Variants in MCF2 observed in about 807,000 individuals in gnomAD.
MCF2 encodes the protein proto-oncogene DBL.
Under a neutral mutation model 82.5 loss-of-function variants are expected in MCF2, and 44 were observed. That is an observed-to-expected ratio of 0.53 (90% CI 0.42 to 0.69). MCF2 has a LOEUF of 0.69. Among genes scored for constraint, MCF2 ranks in the 30% least tolerant of loss-of-function variants. The pLI, the probability that MCF2 is intolerant of heterozygous loss-of-function variation, is 0.00. For missense variants in MCF2, 623 were observed against 663.1 expected (o/e 0.94, Z 0.66); for synonymous variants, 217 against 224.9 (o/e 0.96, Z 0.32).
At chrX:139,695,909 G>A (rs1311560424) in intron 1 of MCF2, among the ~76,000 whole-genome samples, 2 of 111,856 alleles carry the variant, frequency 1.8e-5, no homozygotes, top group Non-Finnish European at 3.8e-5. Flanking sequence ...GTGAACATCA[G>A]TCTTAATTTT....
At chrX:139,604,798 T>C in intron 14 of MCF2, 48 bp from the exon 19 acceptor site, 5 of 1,091,742 alleles carry the variant, frequency 4.6e-6, no homozygotes, top group Non-Finnish European at 6.3e-6. Context: ...ATGTGAAATA[T>C]AATAAACTGG....
At chrX:139,698,697 CA>C (rs1306043611) in intron 1 of MCF2, among the ~76,000 whole-genome samples, 1 of 111,422 alleles carries the variant, frequency 9.0e-6, no homozygotes, top group African/African-American at 3.3e-5. Context: ...GGTTATTTCT[CA>C]AAAATATATA....
rs200623120 is a variant in MCF2, at chrX:139,637,062, TG to T, written c.52-4609del. Among the ~76,000 whole-genome samples the T allele has an allele frequency of 1.0e-2, 1,117 of 112,075 alleles. 10 individuals are homozygous for T. Among genetic ancestry groups the T allele is most frequent in the African/African-American group, 0.033 (1,024 of 30,892 alleles). The stretch of plus-strand genomic sequence containing the variant: ...TTAAAGAAAATGCACCATCAAAGGA[TG>T]AAAACTTCATTTATTGACTACATAA... On this transcript the variant is annotated intron_variant, in intron 1 of 24. Transcript: ENST00000370576.
At chrX:139,689,079 TCA>T (rs781636350) in intron 1 of MCF2, among the ~76,000 whole-genome samples, 7 of 111,544 alleles carry the variant, frequency 6.3e-5, no homozygotes, top group Admixed American at 9.5e-5. Flanking sequence ...CCACGACTAG[TCA>T]CCAAGTCAAA....
Position 139,594,814 on chromosome X carries a change from C to T in MCF2, c.2277+1735G>A, listed in dbSNP as rs1453476958. 1.3e-4 allele frequency among the ~76,000 whole-genome samples: 14 copies of T among 110,628 alleles called. No individual in the cohort carries two copies. In the East Asian group the frequency reaches 2.3e-3, roughly 18 times the overall value. ...AACCTACAGAATGGGAGAAAATTTTCGCAACCTACTCACCTGACAAAGGGC... is the reference window on the plus strand; with the variant it reads ...AACCTACAGAATGGGAGAAAATTTTTGCAACCTACTCACCTGACAAAGGGC... On this transcript the variant is annotated intron_variant, in intron 19 of 24. Coordinates refer to ENST00000370576, the Ensembl canonical transcript of MCF2.
rs1247252998 is a variant in MCF2, at chrX:139,585,179, C to T, written c.2633-1G>A. 3 of 1,144,229 alleles carry T rather than the reference C, an allele frequency of 2.6e-6. No individual in the cohort carries two copies. The highest frequency in any genetic ancestry group is 3.6e-6 in the Non-Finnish European group (3 of 842,684). 94.3% of individuals were successfully genotyped at this position (1,144,229 alleles called of 1,213,427 possible). On this transcript the variant is annotated splice_acceptor_variant, in intron 23 of 24. Coordinates refer to ENST00000370576, the Ensembl canonical transcript of MCF2. LOFTEE classifies it high-confidence loss of function. ...GCAGATTGTGATGCCTCAGTCCAAA[C>T]TATAAGAAAAGTGTGGAATGTGGCA...
At chrX:139,707,402 A>T (rs760568089) in intron 1 of MCF2, among the ~76,000 whole-genome samples, 14 of 110,729 alleles carry the variant, frequency 1.3e-4, no homozygotes, top group Non-Finnish European at 2.6e-4. Flanking sequence ...AATGTGAGAA[A>T]CATCACCATA....
intron 6 of MCF2, 123 bp from the exon 10 acceptor site, chrX:139,619,829 G>T: frequency 2.0e-6 from 1 of 489,533 alleles, no homozygotes; most frequent in Non-Finnish European, 3.2e-6. Flanking sequence ...AAAAAATTTG[G>T]TTATTTTATT....
chrX:139,620,340 C>T (rs1356163139), intron 6 of MCF2, among the ~76,000 whole-genome samples: 1 of 110,804 alleles, frequency 9.0e-6, no homozygotes, highest in Non-Finnish European at 1.9e-5. Flanking sequence ...AAGGACACAG[C>T]AGCAGTTTGA....
chrX:139,592,260 G>A (rs1313628741), intron 19 of MCF2, among the ~76,000 whole-genome samples: 1 of 111,364 alleles, frequency 9.0e-6, no homozygotes, highest in African/African-American at 3.3e-5. Context: ...TTTGTAGCTA[G>A]TAAGTCATCA....
At chrX:139,616,296 A>T in exon 9 of MCF2, 2 of 1,109,951 alleles carry the variant, frequency 1.8e-6, no homozygotes, top group Non-Finnish European at 2.4e-6. Context: ...AGCTCAGGAG[A>T]TAATATTACA....
In MCF2 at chrX:139,700,352, G is replaced by A. The variant is rs956399631; in HGVS notation, c.-45+7754C>T. ...CAGAATCTTCATTCTCAATCATCCT[G>A]TCTGGAGGCACTCAACCCAGAAGGA... On this transcript the variant is annotated intron_variant, in intron 1 of 27. Coordinates refer to the MCF2 transcript ENST00000414978. Among the ~76,000 whole-genome samples the A allele has an allele frequency of 5.4e-5, 6 of 111,789 alleles. No homozygotes were observed. The East Asian group carries it at 1.7e-3, about 31-fold the overall frequency.
rs1008901815 is a variant in MCF2, at chrX:139,693,066, C to T, written c.-45+15040G>A. Among the ~76,000 whole-genome samples the T allele has an allele frequency of 7.8e-4, 87 of 111,526 alleles. 1 individual carries two copies. Among genetic ancestry groups the T allele is most frequent in the Non-Finnish European group, 1.1e-4 (6 of 53,043 alleles). ...TGGAAAATGAAAGGAGCTAGAGCTC[C>T]TTCCTTGCCCTGAACCCAAAGCACT... On this transcript the variant is annotated intron_variant, in intron 1 of 27. Coordinates refer to the MCF2 transcript ENST00000414978.
chrX:139,685,518 A>G (rs1254964863), intron 1 of MCF2, among the ~76,000 whole-genome samples: 3 of 111,150 alleles, frequency 2.7e-5, no homozygotes, highest in Non-Finnish European at 5.7e-5. Context: ...CTGCTTGCTC[A>G]ATCGATCACG....
intron 1 of MCF2, among the ~76,000 whole-genome samples, chrX:139,636,037 A>T (rs1296122674): frequency 8.9e-6 from 1 of 112,087 alleles, no homozygotes; most frequent in African/African-American, 3.2e-5. Context: ...GGCCAAGGAC[A>T]TGAAAAGGCA....
intron 1 of MCF2, among the ~76,000 whole-genome samples, chrX:139,655,467 C>A (rs760108726): frequency 4.5e-5 from 5 of 111,526 alleles, no homozygotes; most frequent in African/African-American, 1.6e-4. Context: ...GACTTTTGTA[C>A]GTTGATTTCG....
intron 1 of MCF2, among the ~76,000 whole-genome samples, chrX:139,658,667 G>GTTTTTTTTTTTTTT (rs1182070757): frequency 3.5e-5 from 2 of 56,613 alleles, no homozygotes; most frequent in African/African-American, 1.6e-4. Context: ...AAAAAGATGT[G>GTTTTTTTTTTTTTT]TTTTTTTTTT....
intron 1 of MCF2, among the ~76,000 whole-genome samples, chrX:139,676,635 T>G (rs1176947139): frequency 8.9e-6 from 1 of 111,858 alleles, no homozygotes; most frequent in Non-Finnish European, 1.9e-5. Context: ...TTTCTTTTAT[T>G]GGTAAAGTGG....
At chrX:139,689,693 A>G (rs1447295534) in intron 1 of MCF2, among the ~76,000 whole-genome samples, 1 of 107,965 alleles carries the variant, frequency 9.3e-6, no homozygotes, top group Non-Finnish European at 1.9e-5. Context: ...ACCTATCCCT[A>G]CCACGTTCAA....
Sources: gnomAD v4.1 joint callset for allele counts (sites outside exome capture counted in the v4.1 genomes callset) on GRCh38, gnomAD v4.1.1 for gene constraint, MANE v1.5 for transcripts, NCBI Gene and HGNC (gene_info 2026-07-23, HGNC 2026-07-21) for gene names.